PER1: variants seen among roughly 807,000 people sequenced by gnomAD.
PER1 encodes the protein period circadian regulator 1.
PER1 carries 87 observed loss-of-function variants against 125.9 expected under a neutral mutation model. The observed-to-expected ratio is 0.69, with a 90% CI of 0.58 to 0.83. The LOEUF is 0.83. Ranked by LOEUF, PER1 falls within the 40% of genes least tolerant of loss-of-function variation. The pLI is 0.00. For missense variants in PER1, 1,775 were observed against 1,722.8 expected, an observed-to-expected ratio of 1.03 and a Z score of -0.54; for synonymous variants, 801 against 714.7, an observed-to-expected ratio of 1.12 and a Z score of -1.93.
At position 8,146,240 on chromosome 17, in the gene PER1, G is replaced by A. The variant is rs1287125749; in HGVS notation, c.2039-103C>T. ...AAGGGGATGGTGGTAGGGAACAGAG[G>A]GAACAGTCTGGAGACCAGGAGGCTG... On this transcript the variant is annotated intron_variant, in intron 16 of 22. Coordinates refer to ENST00000317276, the MANE Select transcript of PER1 (RefSeq NM_002616.3). 3.3e-6 allele frequency: 5 copies of A among 1,521,768 alleles called. No homozygotes were observed. The East Asian group carries it at 9.1e-5, about 28-fold the overall frequency. 94.3% of individuals were successfully genotyped at this position (1,521,768 alleles called of 1,614,324 possible). A position where few individuals can be genotyped will look rare whatever the true frequency, so the allele number is the denominator to read the frequency against.
chr17:8,150,413 C>G lies in PER1; in HGVS notation c.275+19G>C, dbSNP rs1161779825. ...CTCACAAGACCATTCCTAGACCCAA[C>G]ATACACATCCATACACACCTCTTGC... On this transcript the variant is annotated intron_variant, in intron 2 of 22. Coordinates refer to ENST00000317276, the MANE Select transcript of PER1 (RefSeq NM_002616.3). The G allele has an allele frequency of 5.6e-6, 9 of 1,592,968 alleles. No individual in the cohort carries two copies. The highest frequency in any genetic ancestry group is 6.8e-6 in the Non-Finnish European group (8 of 1,167,920).
intron 14 of PER1, 62 bp downstream of exon 14, chr17:8,146,835 G>T: frequency 6.2e-7 from 1 of 1,605,918 alleles, no homozygotes; most frequent in Non-Finnish European, 8.5e-7. Context: ...AAATGGGTTG[G>T]GGGTGAAGGT....
chr17:8,140,483 CT>C lies in PER1; in HGVS notation c.*584del, dbSNP rs1346160328. ...TCCACAAAGTCCTGGGCGTTTTTAT[CT>C]TTTTGTATTAAAAAAGTAGTAACAG... On this transcript the variant is annotated 3_prime_UTR_variant, in exon 23 of 23. Coordinates refer to ENST00000317276, the MANE Select transcript of PER1 (RefSeq NM_002616.3). The C allele has an allele frequency of 5.4e-6, 1 of 185,714 alleles. No homozygotes were observed. The highest frequency in any genetic ancestry group is 2.3e-5 in the African/African-American group (1 of 42,668). 11.5% of individuals were successfully genotyped at this position (185,714 alleles called of 1,614,324 possible).
At chr17:8,141,367 A>T (rs1026423598) in intron 22 of PER1, 27 bp from the exon 23 acceptor site, 2 of 1,574,986 alleles carry the variant, frequency 1.3e-6, no homozygotes, top group Admixed American at 3.5e-5. Flanking sequence ...GACATGAGAG[A>T]GTCAGACAGG....
chr17:8,150,739 G>A lies in PER1; in HGVS notation c.-33C>T. ...CCATGGGGAGAACAGAACAGAGAAG[G>A]CAGAGAGGCCACCACGGATGCACGA... On this transcript the variant is annotated 5_prime_UTR_variant, in exon 2 of 23. Transcript: ENST00000317276. 2 of 1,500,956 alleles carry A rather than the reference G, an allele frequency of 1.3e-6. No individual in the cohort carries two copies. Among genetic ancestry groups the A allele is most frequent in the Non-Finnish European group, 1.8e-6 (2 of 1,132,504 alleles). The allele number at this position is 1,500,956 out of a possible 1,614,324, so 93.0% of individuals were successfully genotyped here. A position where few individuals can be genotyped will look rare whatever the true frequency, so the allele number is the denominator to read the frequency against.
At chr17:8,143,058 G>A (rs536651595) in intron 19 of PER1, among the ~76,000 whole-genome samples, 1 of 152,330 alleles carries the variant, frequency 6.6e-6, no homozygotes, top group South Asian at 2.1e-4. Context: ...AAGTTATTGA[G>A]ATGTCCTCAC....
chr17:8,147,144 G>C lies in PER1; in HGVS notation c.1629+106C>G, dbSNP rs73243537. 3.4e-3 allele frequency: 4,894 copies of C among 1,452,658 alleles called. 170 individuals carry two copies. The African/African-American group carries it at 0.063, about 19-fold the overall frequency. 90.0% of individuals were successfully genotyped at this position (1,452,658 alleles called of 1,614,324 possible). On this transcript the variant is annotated intron_variant, in intron 13 of 22. Coordinates refer to ENST00000317276, the MANE Select transcript of PER1 (RefSeq NM_002616.3). ...AGGACAAGAAGGAAAAGGCAGGAAG[G>C]AGAGGGCAAAGGAGGATCGGGCAAG...
Position 8,145,958 on chromosome 17 carries a change from C to G in PER1, c.2218G>C (p.Asp740His), listed in dbSNP as rs937094718. The G allele has an allele frequency of 6.3e-7, 1 of 1,598,796 alleles. No individual in the cohort carries two copies. The highest frequency in any genetic ancestry group is 1.3e-5 in the African/African-American group (1 of 74,802). The change falls in exon 17 of 23, where the codon GAC (aspartate) becomes CAC (histidine). Residue 740 changes from aspartate to histidine, a missense_variant and splice_region_variant. Asp to His is a moderately conservative substitution (Grantham distance 81, BLOSUM62 -1). Transcript: ENST00000317276. ...CTGCCCCCCAATTCCACACCCATAC[C>G]CGACTCCGGGGGCTTCTTGTCTCCC... is the stretch of plus-strand genomic sequence containing the variant. The part of the protein sequence containing the change: ...HVGDKKPPES[D>H]IIMMEDLPGL...
rs899882942 is a variant in PER1, at chr17:8,148,804, A to G, written c.906-18T>C. The stretch of plus-strand genomic sequence containing the variant: ...GACCTCCTCTAGCAAAGGAGAGAGG[A>G]GCATTAGGGACTTTCAACAGAGAGC... On this transcript the variant is annotated intron_variant, in intron 7 of 22. Coordinates refer to ENST00000317276, the MANE Select transcript of PER1 (RefSeq NM_002616.3). 9.3e-6 allele frequency: 15 copies of G among 1,611,516 alleles called. No homozygotes were observed. Among genetic ancestry groups the G allele is most frequent in the Non-Finnish European group, 1.3e-5 (15 of 1,179,216 alleles).
rs373365003 is a variant in PER1, at chr17:8,143,543, G to A, written c.2795C>T (p.Ser932Phe). The change falls in exon 19 of 23, where the codon TCC (serine) becomes TTC (phenylalanine). Residue 932 changes from serine to phenylalanine, a missense_variant. Transcript: ENST00000317276. ...VLPNYLFPTP[S>F]SYPYGALQTP... ...CTGGAGTGCCCCATAAGGATAGCTG[G>A]ATGGGGTTGGGAACAGATAGTTAGG... 6.6e-6 allele frequency: 10 copies of A among 1,505,762 alleles called. No individual in the cohort carries two copies. Among genetic ancestry groups the A allele is most frequent in the Non-Finnish European group, 8.0e-6 (9 of 1,122,664 alleles). 93.3% of individuals were successfully genotyped at this position (1,505,762 alleles called of 1,614,324 possible).
At position 8,141,823 on chromosome 17, in the gene PER1, A is replaced by C; in HGVS notation, c.3582T>G (p.Pro1194=). Residue 1194 remains proline, a synonymous_variant, in exon 22 of 23, where the codon CCT becomes CCG. Coordinates refer to ENST00000317276, the MANE Select transcript of PER1 (RefSeq NM_002616.3). ...CTCTCACCATCACATCAAGAGCCCG[A>C]GGCAGTTGGCCCTTCCGGACCCAGG... ...VHSWVRKGQL[P]RALDVMACVD... is the part of the protein sequence containing the mutation. 6.2e-7 allele frequency: 1 copy of C among 1,613,928 alleles called. No individual in the cohort carries two copies. Among genetic ancestry groups the C allele is most frequent in the East Asian group, 2.2e-5 (1 of 44,868 alleles).
In PER1 at chr17:8,150,842, G is replaced by C. The variant is rs767483142; in HGVS notation, c.-136C>G. On this transcript the variant is annotated 5_prime_UTR_variant, in exon 2 of 23. Transcript: ENST00000317276. ...GGGTTGAGAAGTTCGATCACAGCCA[G>C]TACCTGGAGAGGGAGACCAGGAAGC... 1.3e-6 allele frequency: 1 copy of C among 763,360 alleles called. No homozygotes were observed. The highest frequency in any genetic ancestry group is 2.8e-5 in the East Asian group (1 of 36,184). The allele number at this position is 763,360 out of a possible 1,614,324, so 47.3% of individuals were successfully genotyped here. A position where few individuals can be genotyped will look rare whatever the true frequency, so the allele number is the denominator to read the frequency against.
Position 8,145,996 on chromosome 17 carries a change from G to A in PER1, c.2180C>T (p.Thr727Ile). The change falls in exon 17 of 23, where the codon ACC (threonine) becomes ATC (isoleucine). Residue 727 changes from threonine (T) to isoleucine (I), a missense_variant. Physicochemically the swap from Thr to Ile is moderately conservative, Grantham distance 89. Coordinates refer to ENST00000317276, the MANE Select transcript of PER1 (RefSeq NM_002616.3). ...SVTSQCSFSS[T>I]IVHVGDKKPP... Reference sequence around the variant, plus strand: ...CTTCTTGTCTCCCACATGGACGATGGTGGAGCTGAAGCTACACTGACTGGT... The same window carrying A: ...CTTCTTGTCTCCCACATGGACGATGATGGAGCTGAAGCTACACTGACTGGT... 6.2e-7 allele frequency: 1 copy of A among 1,613,152 alleles called. No individual in the cohort carries two copies. The highest frequency in any genetic ancestry group is 8.5e-7 in the Non-Finnish European group (1 of 1,179,468).
intron 8 of PER1, 99 bp downstream of exon 8, chr17:8,148,545 A>T: frequency 7.1e-7 from 1 of 1,398,832 alleles, no homozygotes; most frequent in Non-Finnish European, 9.7e-7. Flanking sequence ...TTGTTCCAAA[A>T]TTCAAAGGGT....
chr17:8,149,789 T>A lies in PER1; in HGVS notation c.617A>T (p.Glu206Val). 6.2e-7 allele frequency: 1 copy of A among 1,613,476 alleles called. No homozygotes were observed. Among genetic ancestry groups the A allele is most frequent in the Non-Finnish European group, 8.5e-7 (1 of 1,180,024 alleles). Residue 206 changes from glutamate (E) to valine (V), a missense_variant, in exon 5 of 23, where the codon GAG becomes GTG. Physicochemically the swap from Glu to Val is moderately radical, Grantham distance 121 (BLOSUM62 -2). Transcript: ENST00000317276. ...DMSTYTLEEL[E>V]HITSEYTLQN... ...AAGTGTGTACTCAGACGTGATGTGC[T>A]CCAGCTCCTCCAGGGTATAGGTGGA...
intron 18 of PER1, chr17:8,144,168 G>C (rs965177039): frequency 2.1e-6 from 1 of 485,772 alleles, no homozygotes; most frequent in African/African-American, 2.0e-5. Context: ...GAGGAAGCAG[G>C]GTGAGTCCAT....
rs748055914 is a variant in PER1, at chr17:8,147,441, C to G, written c.1497+29G>C. The G allele has an allele frequency of 1.9e-5, 30 of 1,612,750 alleles. No individual in the cohort carries two copies. In the South Asian group the frequency reaches 3.3e-4, roughly 18 times the overall value. On this transcript the variant is annotated intron_variant, in intron 12 of 22. Coordinates refer to ENST00000317276, the MANE Select transcript of PER1 (RefSeq NM_002616.3). ...CCCGGCTTCCCACACCTTTTCTCAC[C>G]TCCCAGGCTCCCTCTCCGCTACTCT...
At position 8,149,114 on chromosome 17, in the gene PER1, G is replaced by A. The variant is rs1262203208; in HGVS notation, c.905+145C>T. On this transcript the variant is annotated intron_variant, in intron 7 of 22. Coordinates refer to ENST00000317276, the MANE Select transcript of PER1 (RefSeq NM_002616.3). Reference sequence around the variant, plus strand: ...TGAGGCAGGAGAATCGCTTGAACCTGGGAGGCGGAGGTTGCAGTGAGCCGA... The same window carrying A: ...TGAGGCAGGAGAATCGCTTGAACCTAGGAGGCGGAGGTTGCAGTGAGCCGA... 8 of 752,154 alleles carry A rather than the reference G, an allele frequency of 1.1e-5. No individual in the cohort carries two copies. In the African/African-American group the frequency reaches 1.2e-4, roughly 11 times the overall value. 46.6% of individuals were successfully genotyped at this position (752,154 alleles called of 1,614,324 possible). A position where few individuals can be genotyped will look rare whatever the true frequency, so the allele number is the denominator to read the frequency against.
At chr17:8,142,581 C>A in intron 20 of PER1, 68 bp downstream of exon 20, 1 of 1,583,810 alleles carries the variant, frequency 6.3e-7, no homozygotes, top group Non-Finnish European at 8.6e-7. Flanking sequence ...TCCGCCAAGA[C>A]GGGGCCTGGG....
Sources: allele counts gnomAD v4.1 joint callset (sites outside exome capture counted in the v4.1 genomes callset), GRCh38; gene constraint gnomAD v4.1.1; transcripts MANE v1.5; gene names NCBI Gene and HGNC (gene_info 2026-07-23, HGNC 2026-07-21).